The following ERC1 variants were observed in gnomAD, a reference collection of about 807,000 sequenced individuals.
The protein encoded by ERC1 is RAB6 interacting protein 2.
Under a neutral mutation model 132.0 loss-of-function variants are expected in ERC1, and 56 were observed. The observed-to-expected ratio is 0.42, with a 90% CI of 0.34 to 0.53. ERC1 has a LOEUF of 0.53. Among genes scored for constraint, ERC1 ranks in the 20% least tolerant of loss-of-function variants. The probability of loss-of-function intolerance (pLI) is 0.03; values close to 1 mark genes in which losing one functional copy is unlikely to be tolerated. For synonymous variants in ERC1, 478 were observed against 476.1 expected, an observed-to-expected ratio of 1.00 and a Z score of -0.05; for missense variants, 1,202 against 1,349.9, an observed-to-expected ratio of 0.89 and a Z score of 1.72.
At chr12:1,073,252 G>A (rs539127733) in intron 2 of ERC1, among the ~76,000 whole-genome samples, 2 of 151,988 alleles carry the variant, frequency 1.3e-5, no homozygotes, top group South Asian at 2.1e-4. Flanking sequence ...AGTGAGCTGA[G>A]ATCACGCCAC....
rs1168245199 is a variant in ERC1, at chr12:1,197,556, G to A, written c.2351+7504G>A. 5.3e-5 allele frequency among the ~76,000 whole-genome samples: 8 copies of A among 152,138 alleles called. No individual in the cohort carries two copies. The East Asian group carries it at 1.3e-3, about 26-fold the overall frequency. On this transcript the variant is annotated intron_variant, in intron 12 of 18. Transcript: ENST00000360905. ...CTTACAGGACAGGTACTGCATAACT[G>A]GCATGTGGGTTGTTTTGCTGCTAGG...
chr12:1,434,401 G>C (rs1654529682), intron 17 of ERC1, among the ~76,000 whole-genome samples: 1 of 152,142 alleles, frequency 6.6e-6, no homozygotes, highest in Non-Finnish European at 1.5e-5. Flanking sequence ...TAAACTAGGA[G>C]CCTACTTACT....
intron 12 of ERC1, among the ~76,000 whole-genome samples, chr12:1,209,868 A>G (rs73593976): frequency 0.054 from 8,291 of 152,274 alleles, 487 homozygotes; most frequent in African/African-American, 0.15. Context: ...TGATTTATTT[A>G]TACTAGCTCA....
chr12:1,160,433 C>T (rs1566112289), intron 8 of ERC1, among the ~76,000 whole-genome samples: 1 of 152,092 alleles, frequency 6.6e-6, no homozygotes, highest in Non-Finnish European at 1.5e-5. Context: ...TTCAATAAGA[C>T]CCTTAAAAAT....
At chr12:1,081,147 T>C (rs577920167) in intron 2 of ERC1, among the ~76,000 whole-genome samples, 9 of 152,174 alleles carry the variant, frequency 5.9e-5, no homozygotes, top group South Asian at 2.1e-4. Flanking sequence ...AATGATCTTT[T>C]ATTGTTGCTT....
In ERC1 at chr12:1,231,230, G is replaced by T. The variant is rs187514543; in HGVS notation, c.2352-5539G>T. 1.4e-3 allele frequency among the ~76,000 whole-genome samples: 216 copies of T among 151,580 alleles called. 3 individuals carry two copies. Among genetic ancestry groups the T allele is most frequent in the African/African-American group, 4.9e-3 (203 of 41,346 alleles). On this transcript the variant is annotated intron_variant, in intron 12 of 18. Transcript: ENST00000360905. ...TAGTTTTCTTTGTGGTTACTATGAG[G>T]GTTACATAAGATATCTTAGGCTGTT... is the stretch of plus-strand genomic sequence containing the variant.
At chr12:1,422,740 T>C (rs1469218617) in intron 17 of ERC1, among the ~76,000 whole-genome samples, 1 of 152,194 alleles carries the variant, frequency 6.6e-6, no homozygotes, top group African/African-American at 2.4e-5. Flanking sequence ...GATTGTATGA[T>C]AGTTCTATTT....
At chr12:1,192,878 C>T (rs1342640940) in intron 12 of ERC1, among the ~76,000 whole-genome samples, 1 of 152,282 alleles carries the variant, frequency 6.6e-6, no homozygotes, top group Admixed American at 6.5e-5. Context: ...TGTGTTCGTT[C>T]TGGTAAACTT....
chr12:1,373,161 T>C (rs544845424), intron 16 of ERC1, among the ~76,000 whole-genome samples: 37 of 152,360 alleles, frequency 2.4e-4, no homozygotes, highest in African/African-American at 8.4e-4. Flanking sequence ...CTACCTGTTA[T>C]GTAAGATAGG....
At chr12:1,438,422 A>AG (rs1433280898) in intron 17 of ERC1, among the ~76,000 whole-genome samples, 3 of 152,204 alleles carry the variant, frequency 2.0e-5, no homozygotes, top group Admixed American at 2.0e-4. Flanking sequence ...GTTGAGAGAC[A>AG]GCAGTACAAT....
chr12:1,459,070 G>A (rs74447741), intron 18 of ERC1, among the ~76,000 whole-genome samples: 1,588 of 152,262 alleles, frequency 0.01, 31 homozygotes, highest in African/African-American at 0.037. Context: ...TGAGGAATTC[G>A]AGCATCAAAA....
rs569961708 is a variant in ERC1 at position 1,001,883 on chromosome 12, C to T, written c.-157+10561C>T. ...TTTTTTTTTTTTTTTTTTCCTGAGA[C>T]GGAGTCTCGCTCTGTTGCCCAGGCT... On this transcript the variant is annotated intron_variant, in intron 1 of 18. Coordinates refer to ENST00000360905, the MANE Select transcript of ERC1 (RefSeq NM_178040.4). 4.9e-4 allele frequency among the ~76,000 whole-genome samples: 58 copies of T among 119,318 alleles called. No individual in the cohort carries two copies. In the South Asian group the frequency reaches 0.012, roughly 24 times the overall value. 78.3% of individuals were successfully genotyped at this position (119,318 alleles called of 152,430 possible).
intron 17 of ERC1, among the ~76,000 whole-genome samples, chr12:1,417,648 G>A (rs1051223745): frequency 1.3e-5 from 2 of 152,140 alleles, no homozygotes; most frequent in East Asian, 1.9e-4. Flanking sequence ...GGGTGTGGTG[G>A]CGCGTGCCTG....
chr12:1,081,485 T>C (rs997662805), intron 2 of ERC1, among the ~76,000 whole-genome samples: 4 of 152,208 alleles, frequency 2.6e-5, no homozygotes, highest in African/African-American at 4.8e-5. Context: ...AAAGCTGATT[T>C]GGAGTTTTCT....
intron 17 of ERC1, among the ~76,000 whole-genome samples, chr12:1,418,768 AG>A (rs2092304847): frequency 6.8e-6 from 1 of 146,744 alleles, no homozygotes; most frequent in African/African-American, 2.5e-5. Flanking sequence ...ACTGGAGTGT[AG>A]TGGCATGATC....
rs549564648 is a variant in ERC1, at chr12:1,315,081, A to ACT, written c.2780+25076_2780+25077dup. On this transcript the variant is annotated intron_variant, in intron 15 of 18. Coordinates refer to ENST00000360905, the MANE Select transcript of ERC1 (RefSeq NM_178040.4). ...ATTTATTTATTGAGAATGGAGTCTCACTCTCTCTGCTCACTGCAACCTCTG... is the reference window on the plus strand; with the variant it reads ...ATTTATTTATTGAGAATGGAGTCTCACTCTCTCTCTGCTCACTGCAACCTCTG... Among the ~76,000 whole-genome samples the ACT allele has an allele frequency of 5.1e-3, 772 of 151,960 alleles. 4 individuals are homozygous for ACT. The highest frequency in any genetic ancestry group is 9.2e-3 in the Non-Finnish European group (622 of 67,934).
intron 8 of ERC1, among the ~76,000 whole-genome samples, chr12:1,165,971 G>A (rs1325631795): frequency 6.6e-6 from 1 of 152,174 alleles, no homozygotes; most frequent in Non-Finnish European, 1.5e-5. Context: ...CTGACAACCA[G>A]TAACCTCCTT....
intron 12 of ERC1, among the ~76,000 whole-genome samples, chr12:1,210,169 A>G (rs1327253085): frequency 1.3e-5 from 2 of 152,228 alleles, no homozygotes; most frequent in Non-Finnish European, 2.9e-5. Flanking sequence ...CTTCTTGGGT[A>G]TGGCTTATGC....
chr12:1,189,405 T>C (rs1285968017), intron 11 of ERC1, among the ~76,000 whole-genome samples: 6 of 152,186 alleles, frequency 3.9e-5, no homozygotes, highest in Non-Finnish European at 8.8e-5. Context: ...GTCACACGTG[T>C]TAGGTAAAGC....
Sources: allele counts gnomAD v4.1 joint callset (sites outside exome capture counted in the v4.1 genomes callset), GRCh38; gene constraint gnomAD v4.1.1; transcripts MANE v1.5; gene names NCBI Gene and HGNC (gene_info 2026-07-23, HGNC 2026-07-21).